The following CPLX2 variants were observed in gnomAD, a reference collection of about 807,000 sequenced individuals.
CPLX2 encodes the protein complexin 2, also known as complexin-2.
CPLX2 carries 5 observed loss-of-function variants against 16.3 expected under a neutral mutation model. The observed-to-expected ratio is 0.31, with a 90% CI of 0.16 to 0.64. The LOEUF is 0.64. CPLX2 is among the 30% of genes least tolerant of loss of function. CPLX2 has a pLI of 0.79. For synonymous variants in CPLX2, 89 were observed against 73.2 expected (o/e 1.22, Z -1.10); for missense variants, 144 against 181.4 (o/e 0.79, Z 1.18).
chr5:175,860,493 GAAAGAAAAGAAAGAAAGAAAGA>G (rs1252852602), intron 2 of CPLX2, among the ~76,000 whole-genome samples: 1,012 of 72,146 alleles, frequency 0.014, 11 homozygotes, highest in African/African-American at 0.033. Context: ...AAGAAAGAAA[GAAAGAAAAGAAAGAAAGAAAGA>G]AAAAGAAAGA....
chr5:175,800,093 T>C (rs190421703), intron 1 of CPLX2, among the ~76,000 whole-genome samples: 1 of 152,194 alleles, frequency 6.6e-6, no homozygotes, highest in Non-Finnish European at 1.5e-5. Context: ...AAATGAGTAG[T>C]ATTTGGCTCA....
At chr5:175,852,400 T>C (rs944361282) in intron 2 of CPLX2, among the ~76,000 whole-genome samples, 5 of 152,086 alleles carry the variant, frequency 3.3e-5, no homozygotes, top group African/African-American at 1.2e-4. Flanking sequence ...ACTGTCTTGG[T>C]AGAAAGAAAG....
chr5:175,856,577 G>A (rs1421512086), intron 2 of CPLX2, among the ~76,000 whole-genome samples: 4 of 152,232 alleles, frequency 2.6e-5, no homozygotes, highest in African/African-American at 9.6e-5. Context: ...AGGAGGAGAG[G>A]TGTTGGGAAC....
chr5:175,801,313 T>C (rs535101984), intron 1 of CPLX2, among the ~76,000 whole-genome samples: 6 of 152,098 alleles, frequency 3.9e-5, no homozygotes, highest in African/African-American at 1.2e-4. Context: ...GAGGAGACCA[T>C]AGGCAAGCAA....
chr5:175,851,759 G>C (rs1185888479), intron 2 of CPLX2, among the ~76,000 whole-genome samples: 2 of 152,210 alleles, frequency 1.3e-5, no homozygotes, highest in Non-Finnish European at 2.9e-5. Flanking sequence ...GTTATTGCTG[G>C]AATCAACGCC....
rs73803065 is a variant in CPLX2, at chr5:175,846,793, C to T, written c.-88-31859C>T. 4.1e-3 allele frequency among the ~76,000 whole-genome samples: 621 copies of T among 152,298 alleles called. 6 individuals carry two copies. The highest frequency in any genetic ancestry group is 0.014 in the African/African-American group (591 of 41,558). On this transcript the variant is annotated intron_variant, in intron 2 of 4. Coordinates refer to the CPLX2 transcript ENST00000359546. ...CTGTCTTCTCTGTCTGAAAAGTTTG[C>T]TTTTGCACTGAATCCCTCCCGGGCT... is the stretch of plus-strand genomic sequence containing the variant.
At chr5:175,855,934 ACC>A (rs2113683609) in intron 2 of CPLX2, among the ~76,000 whole-genome samples, 1 of 152,310 alleles carries the variant, frequency 6.6e-6, no homozygotes, top group South Asian at 2.1e-4. Flanking sequence ...ACCTGCGTCT[ACC>A]ATAGCAACCA....
At chr5:175,874,869 G>C (rs1396712802) in intron 1 of CPLX2, among the ~76,000 whole-genome samples, 1 of 151,182 alleles carries the variant, frequency 6.6e-6, no homozygotes, top group African/African-American at 2.4e-5. Flanking sequence ...AAGGAAAGGA[G>C]TCAGCAAAGA....
At chr5:175,875,010 A>G (rs1759724937) in intron 1 of CPLX2, among the ~76,000 whole-genome samples, 1 of 152,162 alleles carries the variant, frequency 6.6e-6, no homozygotes, top group Non-Finnish European at 1.5e-5. Context: ...GATTCAGCAG[A>G]GGGATGGAGG....
intron 2 of CPLX2, among the ~76,000 whole-genome samples, chr5:175,815,604 A>T (rs1758392844): frequency 6.6e-6 from 1 of 152,060 alleles, no homozygotes; most frequent in Admixed American, 6.6e-5. Flanking sequence ...CAGGAAAACA[A>T]TTAAATGTTG....
At chr5:175,804,433 C>T (rs1758157239) in intron 1 of CPLX2, among the ~76,000 whole-genome samples, 1 of 152,182 alleles carries the variant, frequency 6.6e-6, no homozygotes, top group Admixed American at 6.5e-5. Flanking sequence ...CCCTAAGGTG[C>T]TGTGTAGGAT....
In CPLX2 at chr5:175,849,686, C is replaced by T. The variant is rs1039514593; in HGVS notation, c.-88-28966C>T. Among the ~76,000 whole-genome samples, 7 of 151,844 alleles carry T rather than the reference C, an allele frequency of 4.6e-5. 1 individual carries two copies. The East Asian group carries it at 5.8e-4, about 13-fold the overall frequency. On this transcript the variant is annotated intron_variant, in intron 2 of 4. Coordinates refer to the CPLX2 transcript ENST00000359546. The surrounding 1 kb of genome is among the most constrained non-coding windows in gnomAD (Gnocchi z 4.4). ...TCGTTGGGGTCATCATGGGAGAAGC[C>T]GGGCTTTGGAGCTGGACTCACCTGA...
chr5:175,870,323 T>C (rs1447101557), upstream of CPLX2, among the ~76,000 whole-genome samples: 1 of 152,180 alleles, frequency 6.6e-6, no homozygotes, highest in Admixed American at 6.5e-5. Flanking sequence ...GGGGGTCTCC[T>C]GCTTTAAGGC....
chr5:175,872,630 A>G lies in CPLX2; in HGVS notation c.-89+925A>G, dbSNP rs1759658095. Among the ~76,000 whole-genome samples, 1 of 150,608 alleles carries G rather than the reference A, an allele frequency of 6.6e-6. No individual in the cohort carries two copies. Among genetic ancestry groups the G allele is most frequent in the African/African-American group, 2.5e-5 (1 of 40,746 alleles). On this transcript the variant is annotated intron_variant, in intron 1 of 3. Coordinates refer to ENST00000393745, the MANE Select transcript of CPLX2 (RefSeq NM_001008220.2). This position sits in a 1 kb window ranked among gnomAD's most constrained non-coding sequence, Gnocchi z 5.0. Reference sequence around the variant, plus strand: ...GCTTTTCAGCCGGAGTCGGCTCCCTACCTCCTCCCATCCTCCGCTGCCCCT... The same window carrying G: ...GCTTTTCAGCCGGAGTCGGCTCCCTGCCTCCTCCCATCCTCCGCTGCCCCT...
intron 2 of CPLX2, among the ~76,000 whole-genome samples, chr5:175,841,966 G>A (rs1026846424): frequency 4.6e-5 from 7 of 152,340 alleles, no homozygotes; most frequent in African/African-American, 1.2e-4. Context: ...CCTAGCACTC[G>A]CTGCTCAATG....
intron 2 of CPLX2, among the ~76,000 whole-genome samples, chr5:175,820,561 C>T (rs1404831165): frequency 6.6e-5 from 10 of 152,178 alleles, no homozygotes; most frequent in Admixed American, 1.3e-4. Context: ...GGGCCTTTCT[C>T]GTCTCAAGGA....
chr5:175,860,533 A>G (rs1281811994), intron 2 of CPLX2, among the ~76,000 whole-genome samples: 4 of 22,328 alleles, frequency 1.8e-4, no homozygotes, highest in African/African-American at 6.8e-4. Context: ...AGAAAGAAAG[A>G]AAGAAAGATA....
intron 1 of CPLX2, among the ~76,000 whole-genome samples, chr5:175,806,249 T>A (rs929432333): frequency 3.3e-5 from 5 of 151,160 alleles, no homozygotes; most frequent in African/African-American, 1.2e-4. Flanking sequence ...CCCAGTTCCC[T>A]CAGTAAACCA....
chr5:175,801,168 A>AAAAAC (rs1554117465), intron 1 of CPLX2, among the ~76,000 whole-genome samples: 14 of 151,534 alleles, frequency 9.2e-5, no homozygotes, highest in African/African-American at 3.4e-4. Context: ...TGTTAAAAAA[A>AAAAAC]AAAAAAAACT....
Sources: allele counts gnomAD v4.1 joint callset (sites outside exome capture counted in the v4.1 genomes callset), GRCh38; gene constraint gnomAD v4.1.1; non-coding constraint Gnocchi (gnomAD v3.1); transcripts MANE v1.5; gene names NCBI Gene and HGNC (gene_info 2026-07-23, HGNC 2026-07-21).